Variants in MARCHF7 observed in about 807,000 individuals in gnomAD.
MARCHF7 encodes membrane associated ring-CH-type finger 7.
A neutral mutation model predicts 76.5 loss-of-function variants in MARCHF7; 20 were observed. The ratio of observed to expected loss-of-function variants is 0.26; its 90% CI spans 0.18 to 0.38. MARCHF7 has a LOEUF of 0.38. Ranked by LOEUF, MARCHF7 falls within the 10% of genes least tolerant of loss-of-function variation. MARCHF7 has a pLI of 1.00. For missense variants in MARCHF7, 797 were observed against 812.9 expected (o/e 0.98, Z 0.24); for synonymous variants, 295 against 293.0 (o/e 1.01, Z -0.07).
chr2:159,766,275 A>C (rs1488997367), intron 11 of MARCHF7, among the ~76,000 whole-genome samples: 1 of 152,130 alleles, frequency 6.6e-6, no homozygotes, highest in African/African-American at 2.4e-5. Context: ...TCAGTGATAG[A>C]GCATAAAACT....
chr2:159,734,443 G>A (rs542269675), intron 4 of MARCHF7, among the ~76,000 whole-genome samples: 2 of 151,936 alleles, frequency 1.3e-5, no homozygotes, highest in South Asian at 4.2e-4. Context: ...AGTTTTCAAG[G>A]AAATAAATAC....
intron 9 of MARCHF7, among the ~76,000 whole-genome samples, chr2:159,761,952 C>T (rs1707163320): frequency 1.3e-5 from 2 of 152,118 alleles, no homozygotes; most frequent in Non-Finnish European, 2.9e-5. Flanking sequence ...ATATGAGCCC[C>T]TTTAAATTGT....
chr2:159,724,093 G>A (rs1701918245), intron 3 of MARCHF7, among the ~76,000 whole-genome samples: 1 of 152,104 alleles, frequency 6.6e-6, no homozygotes, highest in Non-Finnish European at 1.5e-5. Flanking sequence ...TGGTCGTTGT[G>A]TTTTGTTGAG....
rs866565707 is a variant in MARCHF7, at chr2:159,760,691, T to A, written c.1893+1356T>A. 4.1e-3 allele frequency among the ~76,000 whole-genome samples: 614 copies of A among 150,630 alleles called. 1 individual carries two copies. Among genetic ancestry groups the A allele is most frequent in the Middle Eastern group, 6.8e-3 (2 of 292 alleles). ...TTCCTGAGATGCTTCATCCTGTCTC[T>A]CAAAGGCAGTTTTTTCCTTTTTTGT... On this transcript the variant is annotated intron_variant, in intron 9 of 11. Coordinates refer to ENST00000409175, the MANE Select transcript of MARCHF7 (RefSeq NM_001282805.2).
intron 3 of MARCHF7, among the ~76,000 whole-genome samples, chr2:159,718,704 A>T (rs997088185): frequency 6.6e-6 from 1 of 152,162 alleles, no homozygotes; most frequent in African/African-American, 2.4e-5. Context: ...AGCTTTAATC[A>T]TAAGTAGGGT....
intron 4 of MARCHF7, among the ~76,000 whole-genome samples, chr2:159,742,670 A>C (rs12468739): frequency 0.08 from 12,178 of 152,228 alleles, 573 homozygotes; most frequent in African/African-American, 0.13. Context: ...GGTGGAGGCC[A>C]GGCACAGAGG....
At chr2:159,737,318 CCT>C (rs1703577389) in intron 4 of MARCHF7, among the ~76,000 whole-genome samples, 1 of 152,086 alleles carries the variant, frequency 6.6e-6, no homozygotes, top group Non-Finnish European at 1.5e-5. Flanking sequence ...AGAACTCTTA[CCT>C]CTCAACAATA....
intron 4 of MARCHF7, among the ~76,000 whole-genome samples, chr2:159,731,054 A>G (rs923988908): frequency 3.9e-5 from 6 of 151,954 alleles, no homozygotes; most frequent in Non-Finnish European, 7.4e-5. Flanking sequence ...CACCATGCCT[A>G]GCTAATTTTT....
At chr2:159,724,374 T>C (rs1701944290) in intron 3 of MARCHF7, among the ~76,000 whole-genome samples, 1 of 152,200 alleles carries the variant, frequency 6.6e-6, no homozygotes, top group Non-Finnish European at 1.5e-5. Context: ...TCTTTGATGC[T>C]CTTATGTAGT....
intron 3 of MARCHF7, among the ~76,000 whole-genome samples, chr2:159,727,900 T>C (rs192903507): frequency 6.6e-6 from 1 of 152,240 alleles, no homozygotes; most frequent in Non-Finnish European, 1.5e-5. Context: ...TAGAAATGTT[T>C]AGTGAGGAAA....
chr2:159,742,883 G>A (rs984138797), intron 4 of MARCHF7, among the ~76,000 whole-genome samples, 178 bp from the exon 5 acceptor site: 6 of 151,984 alleles, frequency 3.9e-5, no homozygotes, highest in Admixed American at 2.6e-4. Context: ...GTTACAGTGA[G>A]CCAAGATTGC....
intron 3 of MARCHF7, among the ~76,000 whole-genome samples, chr2:159,722,464 A>G (rs905960591): frequency 2.0e-5 from 3 of 152,170 alleles, no homozygotes; most frequent in East Asian, 1.9e-4. Flanking sequence ...ACTTAGAACT[A>G]TTGAAGTTAT....
chr2:159,764,678 G>A lies in MARCHF7; in HGVS notation c.2056+4G>A. On this transcript the variant is annotated splice_donor_region_variant and intron_variant, in intron 11 of 11. Coordinates refer to ENST00000409175, the MANE Select transcript of MARCHF7 (RefSeq NM_001282805.2). Reference sequence around the variant, plus strand: ...GCACATATGGAAGATCTCGAAAGTAGGTGGAATTTCCCCTCCCCAGACTTG... The same window carrying A: ...GCACATATGGAAGATCTCGAAAGTAAGTGGAATTTCCCCTCCCCAGACTTG... 1.2e-6 allele frequency: 2 copies of A among 1,600,258 alleles called. No homozygotes were observed. Among genetic ancestry groups the A allele is most frequent in the Non-Finnish European group, 1.7e-6 (2 of 1,173,756 alleles).
At chr2:159,763,025 G>A in intron 10 of MARCHF7, 32 bp downstream of exon 10, 2 of 1,402,922 alleles carry the variant, frequency 1.4e-6, no homozygotes, top group Non-Finnish European at 2.0e-6. Context: ...GAGAGGGAGG[G>A]TATGATGCAG....
At chr2:159,714,369 A>T (rs1317707096) in intron 1 of MARCHF7, among the ~76,000 whole-genome samples, 188 bp from the exon 2 acceptor site, 2 of 152,188 alleles carry the variant, frequency 1.3e-5, no homozygotes, top group Non-Finnish European at 2.9e-5. Context: ...TAGTCATCAG[A>T]CTAATGTATA....
chr2:159,747,106 C>T (rs940858003), intron 6 of MARCHF7, among the ~76,000 whole-genome samples: 1 of 152,158 alleles, frequency 6.6e-6, no homozygotes, highest in South Asian at 2.1e-4. Flanking sequence ...TAGTATTTCT[C>T]ATCCCATTTG....
At chr2:159,727,534 G>C (rs1385730111) in intron 3 of MARCHF7, among the ~76,000 whole-genome samples, 4 of 152,286 alleles carry the variant, frequency 2.6e-5, no homozygotes, top group Admixed American at 1.3e-4. Context: ...CTTCCAGTGA[G>C]CCGAGATCGT....
At chr2:159,714,393 A>G (rs1384110715) in intron 1 of MARCHF7, among the ~76,000 whole-genome samples, 164 bp from the exon 2 acceptor site, 2 of 152,168 alleles carry the variant, frequency 1.3e-5, no homozygotes. Flanking sequence ...AACTATTATT[A>G]TCTTAATATG....
At chr2:159,744,174 A>C (rs1018509502) in intron 5 of MARCHF7, among the ~76,000 whole-genome samples, 10 of 151,112 alleles carry the variant, frequency 6.6e-5, no homozygotes, top group African/African-American at 2.4e-4. Context: ...TTTTTAGTAG[A>C]GACGGGGTTT....
Sources: gnomAD v4.1 joint callset for allele counts (sites outside exome capture counted in the v4.1 genomes callset) on GRCh38, gnomAD v4.1.1 for gene constraint, MANE v1.5 for transcripts, NCBI Gene and HGNC (gene_info 2026-07-23, HGNC 2026-07-21) for gene names.